The following SIAE variants were observed in gnomAD, a reference collection of about 807,000 sequenced individuals.
SIAE encodes sialate O-acetylesterase.
Under a neutral mutation model 52.6 loss-of-function variants are expected in SIAE, and 39 were observed. The ratio of observed to expected loss-of-function variants is 0.74; its 90% confidence interval spans 0.57 to 0.97. The LOEUF is 0.97. Ranked by LOEUF, SIAE falls within the 50% of genes least tolerant of loss-of-function variation. The pLI, the probability that SIAE is intolerant of heterozygous loss-of-function variation, is 0.00. For synonymous variants in SIAE, 233 were observed against 241.4 expected (o/e 0.97, Z 0.32); for missense variants, 592 against 662.1 (o/e 0.89, Z 1.16).
intron 2 of SIAE, among the ~76,000 whole-genome samples, chr11:124,665,290 C>G (rs970900406): frequency 1.3e-5 from 2 of 152,150 alleles, no homozygotes; most frequent in Admixed American, 6.5e-5. Context: ...TGATTAAAGT[C>G]CCTAATCATT....
At chr11:124,638,842 A>C in intron 8 of SIAE, 105 bp from the exon 9 acceptor site, 1 of 895,306 alleles carries the variant, frequency 1.1e-6, no homozygotes, top group Non-Finnish European at 1.8e-6. Flanking sequence ...AAGTAAGAAT[A>C]AAGTTGACTG....
intron 5 of SIAE, 131 bp downstream of exon 5, chr11:124,649,488 G>A: frequency 2.0e-6 from 2 of 1,013,184 alleles, no homozygotes; most frequent in South Asian, 1.3e-5. Context: ...CCCTCTACAT[G>A]AATAAATTAC....
At chr11:124,646,595 T>C (rs981952933) in intron 7 of SIAE, among the ~76,000 whole-genome samples, 1 of 152,012 alleles carries the variant, frequency 6.6e-6, no homozygotes, top group Admixed American at 6.6e-5. Context: ...GGTGGGGAAA[T>C]GGACATTCTC....
intron 7 of SIAE, among the ~76,000 whole-genome samples, chr11:124,643,300 C>T (rs113354618): frequency 0.028 from 4,322 of 152,082 alleles, 95 homozygotes; most frequent in Non-Finnish European, 0.04. Flanking sequence ...GTGAGGTCGG[C>T]GGGTAATGTG....
intron 6 of SIAE, 101 bp from the exon 7 acceptor site, chr11:124,647,599 C>G: frequency 2.1e-6 from 3 of 1,414,356 alleles, no homozygotes; most frequent in Non-Finnish European, 3.0e-6. Flanking sequence ...AGTGGTCTTC[C>G]CACGGTCTCT....
At chr11:124,637,298 G>A in intron 9 of SIAE, 96 bp from the exon 10 acceptor site, 2 of 1,558,308 alleles carry the variant, frequency 1.3e-6, no homozygotes, top group Non-Finnish European at 8.8e-7. Flanking sequence ...GGGAGGAAAG[G>A]AGACACTCTT....
chr11:124,658,421 G>T (rs1023645330), intron 3 of SIAE, among the ~76,000 whole-genome samples: 3 of 151,690 alleles, frequency 2.0e-5, no homozygotes, highest in Non-Finnish European at 4.4e-5. Flanking sequence ...TGTGGTACCA[G>T]CCCTTCTCTT....
At chr11:124,646,348 T>C (rs890739943) in intron 7 of SIAE, among the ~76,000 whole-genome samples, 1 of 152,170 alleles carries the variant, frequency 6.6e-6, no homozygotes, top group South Asian at 2.1e-4. Flanking sequence ...CAGGAAAATG[T>C]AGTCATGTAG....
intron 6 of SIAE, 113 bp downstream of exon 6, chr11:124,647,953 A>G (rs143499283): frequency 0.016 from 14,028 of 860,218 alleles, 170 homozygotes; most frequent in Non-Finnish European, 0.02. Context: ...CAGAACAGTG[A>G]GCTGAATAAA....
chr11:124,663,045 G>A (rs546389981), intron 2 of SIAE, among the ~76,000 whole-genome samples: 1 of 152,258 alleles, frequency 6.6e-6, no homozygotes, highest in South Asian at 2.1e-4. Context: ...CTCGGAGGCT[G>A]AGGCAGCAGA....
At chr11:124,657,243 G>A (rs921795875) in intron 3 of SIAE, among the ~76,000 whole-genome samples, 2 of 152,228 alleles carry the variant, frequency 1.3e-5, no homozygotes, top group Non-Finnish European at 2.9e-5. Flanking sequence ...ATACCTGGCA[G>A]GTTAATGTAA....
intron 8 of SIAE, 87 bp downstream of exon 8, chr11:124,639,623 G>C: frequency 6.4e-7 from 1 of 1,571,886 alleles, no homozygotes; most frequent in Non-Finnish European, 8.7e-7. Context: ...CCAATCCTCA[G>C]TCTAATTGCC....
Position 124,637,107 on chromosome 11 carries a change from A to G in SIAE, c.1416T>C (p.His472=). Residue 472 remains histidine, a synonymous_variant, in exon 10 of 10, where the codon CAT becomes CAC. Coordinates refer to ENST00000263593, the MANE Select transcript of SIAE (RefSeq NM_170601.5). ...QSLTLAIDSC[H]GTVVALRYAW... is the part of the protein sequence containing the mutation. ...CATAGCGGAGAGCAACCACAGTGCC[A>G]TGACAAGAATCGATCGCCAGGGTCA... 1.9e-6 allele frequency: 3 copies of G among 1,614,204 alleles called. No individual in the cohort carries two copies. Among genetic ancestry groups the G allele is most frequent in the Non-Finnish European group, 2.5e-6 (3 of 1,180,032 alleles).
intron 2 of SIAE, among the ~76,000 whole-genome samples, chr11:124,667,487 T>C (rs1943289356): frequency 1.3e-5 from 2 of 152,256 alleles, no homozygotes; most frequent in African/African-American, 2.4e-5. Flanking sequence ...GAAATGAATT[T>C]TGAAGAGACT....
chr11:124,656,621 A>G (rs1943103963), intron 3 of SIAE, among the ~76,000 whole-genome samples: 2 of 152,232 alleles, frequency 1.3e-5, no homozygotes, highest in Admixed American at 6.5e-5. Flanking sequence ...GAACTTATGC[A>G]CAAGTGCTAT....
intron 4 of SIAE, among the ~76,000 whole-genome samples, chr11:124,650,982 T>C (rs568598097): frequency 6.6e-5 from 10 of 152,056 alleles, no homozygotes; most frequent in Non-Finnish European, 1.5e-4. Flanking sequence ...AGCAATTTCA[T>C]GTTAGAAGAA....
chr11:124,654,360 G>T (rs564032094), intron 4 of SIAE: 133 of 985,378 alleles, frequency 1.3e-4, no homozygotes, highest in Admixed American at 2.5e-4. Flanking sequence ...GAGAGGATTT[G>T]GAGTGAAGGC....
At chr11:124,675,288 C>G, upstream of SIAE, 3 of 1,613,928 alleles carry the variant, frequency 1.9e-6, no homozygotes, top group South Asian at 3.3e-5. Context: ...TCTCCAACAC[C>G]CACTACCGAA....
chr11:124,661,921 A>T (rs1174751021), intron 2 of SIAE, among the ~76,000 whole-genome samples: 1 of 152,234 alleles, frequency 6.6e-6, no homozygotes. Flanking sequence ...TGTGCTAGAC[A>T]CTGCAAAGTT....
Sources: allele counts gnomAD v4.1 joint callset (sites outside exome capture counted in the v4.1 genomes callset), GRCh38; gene constraint gnomAD v4.1.1; transcripts MANE v1.5; gene names NCBI Gene and HGNC (gene_info 2026-07-23, HGNC 2026-07-21).